The following RASGRF2 variants were observed in gnomAD, a reference collection of about 807,000 sequenced individuals.
RASGRF2 encodes Ras protein specific guanine nucleotide releasing factor 2, also known as ras-specific guanine nucleotide-releasing factor 2.
RASGRF2 carries 76 observed loss-of-function variants against 151.0 expected under a neutral mutation model. The observed-to-expected ratio is 0.50, with a 90% confidence interval of 0.42 to 0.61. RASGRF2 has a LOEUF of 0.61. RASGRF2 is among the 20% of genes least tolerant of loss of function. RASGRF2 has a pLI of 0.00. For synonymous variants in RASGRF2, 504 were observed against 566.5 expected, an observed-to-expected ratio of 0.89 and a Z score of 1.57; for missense variants, 1,148 against 1,564.6, an observed-to-expected ratio of 0.73 and a Z score of 4.49.
chr5:81,030,876 C>T (rs2112360673), intron 1 of RASGRF2, among the ~76,000 whole-genome samples: 1 of 152,134 alleles, frequency 6.6e-6, no homozygotes, highest in East Asian at 1.9e-4. Flanking sequence ...AGAGTCAAGA[C>T]CCATCAGTGT....
intron 24 of RASGRF2, among the ~76,000 whole-genome samples, chr5:81,216,332 T>C (rs1455593840): frequency 6.6e-6 from 1 of 150,792 alleles, no homozygotes; most frequent in Non-Finnish European, 1.5e-5. Flanking sequence ...CTTTGGTTTC[T>C]AGATTATTCC....
chr5:81,113,885 A>C lies in RASGRF2; in HGVS notation c.2435A>C (p.Asp812Ala). ...VEENVDNPRV[D>A]LCNKLKRSIQ... ...GAGAATGTCGATAACCCACGCGTGG[A>C]TCTGTGTAACAAGCTAAAACGAAGT... The change falls in exon 15 of 27, where the codon GAT (aspartate) becomes GCT (alanine). Residue 812 changes from aspartate to alanine, a missense_variant. This residue lies in a region of RASGRF2 where 646 missense variants were observed against 807.4 expected (regional missense o/e 0.80). Coordinates refer to ENST00000265080, the MANE Select transcript of RASGRF2 (RefSeq NM_006909.3). 6.2e-7 allele frequency: 1 copy of C among 1,614,196 alleles called. No individual in the cohort carries two copies. The highest frequency in any genetic ancestry group is 8.5e-7 in the Non-Finnish European group (1 of 1,180,026).
intron 12 of RASGRF2, among the ~76,000 whole-genome samples, chr5:81,103,556 G>A (rs564449259): frequency 5.9e-5 from 9 of 151,886 alleles, no homozygotes; most frequent in African/African-American, 7.3e-5. Flanking sequence ...AAAATGAGTA[G>A]GAATTTTAAA....
chr5:81,053,230 C>T (rs1561579418), intron 2 of RASGRF2, among the ~76,000 whole-genome samples: 1 of 150,152 alleles, frequency 6.7e-6, no homozygotes, highest in African/African-American at 2.4e-5. Flanking sequence ...CACCCATTAA[C>T]TCATCATTTA....
Position 81,194,668 on chromosome 5 carries a change from C to T in RASGRF2, c.2794-6662C>T, listed in dbSNP as rs564735396. On this transcript the variant is annotated intron_variant, in intron 18 of 26. Coordinates refer to ENST00000265080, the MANE Select transcript of RASGRF2 (RefSeq NM_006909.3). ...TGTCTTGTTCCTGGCCAGAACTACC[C>T]GCTTTTTGCAGGTGGTTTCTGGACC... Among the ~76,000 whole-genome samples, 11 of 152,238 alleles carry T rather than the reference C, an allele frequency of 7.2e-5. No individual in the cohort carries two copies. In the South Asian group the frequency reaches 1.5e-3, roughly 20 times the overall value.
In RASGRF2 at chr5:81,126,470, A is replaced by G. The variant is rs373044373; in HGVS notation, c.2597-604A>G. Among the ~76,000 whole-genome samples, 11 of 152,280 alleles carry G rather than the reference A, an allele frequency of 7.2e-5. No homozygotes were observed. In the East Asian group the frequency reaches 7.7e-4, roughly 11 times the overall value. ...ATATTCACAAGTTCAGGCAGCCATA[A>G]CCACTATTTAATTCTAGAACATTTT... On this transcript the variant is annotated intron_variant, in intron 16 of 26. Coordinates refer to ENST00000265080, the MANE Select transcript of RASGRF2 (RefSeq NM_006909.3).
intron 1 of RASGRF2, among the ~76,000 whole-genome samples, chr5:80,982,611 T>TATTATTATTATTATTATC (rs1748340979): frequency 6.8e-6 from 1 of 147,790 alleles, no homozygotes; most frequent in Non-Finnish European, 1.5e-5. Context: ...TTATTATTAT[T>TATTATTATTATTATTATC]ATTATTTGAG....
At chr5:81,219,098 A>G (rs74762618) in intron 25 of RASGRF2, among the ~76,000 whole-genome samples, 5,020 of 148,330 alleles carry the variant, frequency 0.034, 103 homozygotes, top group Middle Eastern at 0.065. Flanking sequence ...TTTTTTAAAG[A>G]CACAGTTCTG....
At chr5:81,053,395 G>A (rs996334026) in intron 2 of RASGRF2, among the ~76,000 whole-genome samples, 2 of 150,908 alleles carry the variant, frequency 1.3e-5, no homozygotes, top group Non-Finnish European at 2.9e-5. Flanking sequence ...TTGCTCTTGC[G>A]ATAGTTTGCT....
chr5:81,219,925 A>T (rs78542076), intron 26 of RASGRF2, 147 bp downstream of exon 26: 2 of 142,200 alleles, frequency 1.4e-5, no homozygotes, highest in East Asian at 1.9e-4. Flanking sequence ...TAGTCTGATT[A>T]AAAAAAAAAA....
chr5:81,105,129 T>TA (rs1401809466), intron 12 of RASGRF2, among the ~76,000 whole-genome samples: 17 of 152,146 alleles, frequency 1.1e-4, no homozygotes, highest in Non-Finnish European at 2.1e-4. Context: ...CATCTTAAGA[T>TA]ACCCTGATTG....
At chr5:80,998,003 C>T (rs1165548300) in intron 1 of RASGRF2, 3 of 150,842 alleles carry the variant, frequency 2.0e-5, no homozygotes, top group Admixed American at 2.0e-4. Context: ...GTTGTTAAGA[C>T]TTTGAGCTCT....
In RASGRF2 at chr5:81,164,197, T is replaced by C. The variant is rs184191367; in HGVS notation, c.2687-15978T>C. ...TTTCCTAGGCCATTTAACCCAGAGG[T>C]CTTCTACCTCTGAAGAGTAAGACAG... On this transcript the variant is annotated intron_variant, in intron 17 of 26. Coordinates refer to ENST00000265080, the MANE Select transcript of RASGRF2 (RefSeq NM_006909.3). Among the ~76,000 whole-genome samples the C allele has an allele frequency of 5.3e-5, 8 of 152,106 alleles. No homozygotes were observed. The East Asian group carries it at 1.4e-3, about 26-fold the overall frequency.
intron 18 of RASGRF2, among the ~76,000 whole-genome samples, chr5:81,192,863 A>C (rs16878524): frequency 0.018 from 2,674 of 152,182 alleles, 65 homozygotes; most frequent in African/African-American, 0.059. Context: ...CTACACCACA[A>C]TTTAAATTCT....
chr5:81,089,593 T>G (rs149232371), intron 9 of RASGRF2, among the ~76,000 whole-genome samples: 2 of 152,350 alleles, frequency 1.3e-5, no homozygotes, highest in African/African-American at 4.8e-5. Context: ...GGTCTGATAT[T>G]ATCATTGTTT....
At chr5:81,150,345 A>G (rs1323767066) in intron 17 of RASGRF2, among the ~76,000 whole-genome samples, 1 of 152,186 alleles carries the variant, frequency 6.6e-6, no homozygotes, top group Non-Finnish European at 1.5e-5. Flanking sequence ...TACCCAACTC[A>G]CAGGGCTCTC....
chr5:81,108,833 T>C (rs1055521456), intron 12 of RASGRF2, among the ~76,000 whole-genome samples, 163 bp from the exon 13 acceptor site: 2 of 75,364 alleles, frequency 2.7e-5, no homozygotes, highest in African/African-American at 8.3e-5. Flanking sequence ...ATTTACCTAC[T>C]CTGTGTGTGT....
intron 2 of RASGRF2, among the ~76,000 whole-genome samples, chr5:81,053,549 G>A (rs374740299): frequency 2.0e-5 from 3 of 151,878 alleles, no homozygotes; most frequent in South Asian, 2.1e-4. Context: ...GGTTGGTTCC[G>A]AGTCTTTGCT....
intron 18 of RASGRF2, among the ~76,000 whole-genome samples, chr5:81,197,325 G>A (rs1448465476): frequency 1.1e-4 from 16 of 150,628 alleles, no homozygotes; most frequent in African/African-American, 3.6e-4. Context: ...GCGCGGTGGC[G>A]GGCGCCTGTA....
Sources: allele counts gnomAD v4.1 joint callset (sites outside exome capture counted in the v4.1 genomes callset), GRCh38; gene constraint gnomAD v4.1.1; regional missense constraint gnomAD v4.1.1; transcripts MANE v1.5; gene names NCBI Gene and HGNC (gene_info 2026-07-23, HGNC 2026-07-21).